The following ZIC1 variants were observed in gnomAD, a reference collection of about 807,000 sequenced individuals.
ZIC1 encodes Zic family zinc finger 1, also known as zinc finger protein ZIC 1.
ZIC1 carries 4 observed loss-of-function variants against 30.9 expected under a neutral mutation model. The ratio of observed to expected loss-of-function variants is 0.13; its 90% CI spans 0.06 to 0.30. ZIC1 has a LOEUF of 0.30. ZIC1 is among the 10% of genes least tolerant of loss of function. The pLI, the probability that ZIC1 is intolerant of heterozygous loss-of-function variation, is 1.00. For missense variants in ZIC1, 441 were observed against 639.3 expected, an observed-to-expected ratio of 0.69 and a Z score of 3.34; for synonymous variants, 305 against 277.5, an observed-to-expected ratio of 1.10 and a Z score of -0.98.
intron 1 of ZIC1, 72 bp from the exon 2 acceptor site, chr3:147,412,446 T>A: frequency 1.3e-6 from 2 of 1,561,942 alleles, no homozygotes; most frequent in Non-Finnish European, 1.7e-6. Context: ...TTTTTTCTAT[T>A]TGTTTAGTTT....
rs2087429482 is a variant in ZIC1, at chr3:147,415,859, G to C, written c.*2308G>C. 4 of 151,296 alleles carry C rather than the reference G, an allele frequency of 2.6e-5. No homozygotes were observed. Among genetic ancestry groups the C allele is most frequent in the African/African-American group, 9.7e-5 (4 of 41,418 alleles). The allele number at this position is 151,296 out of a possible 1,614,324, so 9.4% of individuals were successfully genotyped here. ...TTGTTGACTTGTCTTTTCATCTCTT[G>C]CTATTTATATTTGTCACTGTTTCAA... On this transcript the variant is annotated 3_prime_UTR_variant, in exon 3 of 3. Coordinates refer to ENST00000282928, the MANE Select transcript of ZIC1 (RefSeq NM_003412.4).
In ZIC1 at chr3:147,410,341, C is replaced by T. The variant is rs903904843; in HGVS notation, c.229C>T (p.Leu77=). Residue 77 remains leucine (L), a synonymous_variant, in exon 1 of 3, where the codon CTG becomes TTG. Transcript: ENST00000282928. ...GCCAGGCTACGCGGCTGCTGCGGCC[C>T]TGGGCCATCACCATCACCCGGGCCA... ...QAPGYAAAAA[L]GHHHHPGHVG... is the part of the protein sequence containing the mutation. 10 of 1,600,558 alleles carry T rather than the reference C, an allele frequency of 6.2e-6. No individual in the cohort carries two copies. Among genetic ancestry groups the T allele is most frequent in the Non-Finnish European group, 6.8e-6 (8 of 1,179,444 alleles).
In ZIC1 at chr3:147,414,385, A is replaced by G. The variant is rs1559971511; in HGVS notation, c.*834A>G. ...TATAACTGTCCGTTACTTTTGGCAA[A>G]AGATACAACCACATAATGTATATAA... On this transcript the variant is annotated 3_prime_UTR_variant, in exon 3 of 3. Transcript: ENST00000282928. 1 of 152,634 alleles carries G rather than the reference A, an allele frequency of 6.6e-6. No individual in the cohort carries two copies. The highest frequency in any genetic ancestry group is 1.5e-5 in the Non-Finnish European group (1 of 68,040). The allele number at this position is 152,634 out of a possible 1,614,324, so 9.5% of individuals were successfully genotyped here. A position where few individuals can be genotyped will look rare whatever the true frequency, so the allele number is the denominator to read the frequency against.
In ZIC1 at chr3:147,413,674, T is replaced by A. The variant is rs1268675905; in HGVS notation, c.*123T>A. On this transcript the variant is annotated 3_prime_UTR_variant, in exon 3 of 3. Coordinates refer to ENST00000282928, the MANE Select transcript of ZIC1 (RefSeq NM_003412.4). ...CCACACAGACCCCGCAATCCTTTTT[T>A]AAAAAATCTGCCAATAGACCCAGGA... 4 of 1,181,824 alleles carry A rather than the reference T, an allele frequency of 3.4e-6. No individual in the cohort carries two copies. In the African/African-American group the frequency reaches 4.7e-5, roughly 14 times the overall value. The allele number at this position is 1,181,824 out of a possible 1,614,324, so 73.2% of individuals were successfully genotyped here. A position where few individuals can be genotyped will look rare whatever the true frequency, so the allele number is the denominator to read the frequency against.
rs2087434337 is a variant in ZIC1, at chr3:147,416,373, A to G, written c.*2822A>G. On this transcript the variant is annotated 3_prime_UTR_variant, in exon 3 of 3. Transcript: ENST00000282928. ...GCTGGTGCATTTAAGAAGATAGTAA[A>G]TGATGAGTTCATCTTTTCTTCGAAC... 1 of 152,260 alleles carries G rather than the reference A, an allele frequency of 6.6e-6. No individual in the cohort carries two copies. The highest frequency in any genetic ancestry group is 1.5e-5 in the Non-Finnish European group (1 of 68,046). The allele number at this position is 152,260 out of a possible 1,614,324, so 9.4% of individuals were successfully genotyped here.
At chr3:147,413,223 C>A in intron 2 of ZIC1, 131 bp from the exon 3 acceptor site, 1 of 944,632 alleles carries the variant, frequency 1.1e-6, no homozygotes, top group Non-Finnish European at 1.6e-6. Context: ...CAAAGTCCCG[C>A]TGATCGGGCC....
In ZIC1 at chr3:147,414,871, G is replaced by C. The variant is rs565671473; in HGVS notation, c.*1320G>C. 6.5e-6 allele frequency: 1 copy of C among 152,704 alleles called. No individual in the cohort carries two copies. Among genetic ancestry groups the C allele is most frequent in the South Asian group, 2.1e-4 (1 of 4,828 alleles). The allele number at this position is 152,704 out of a possible 1,614,324, so 9.5% of individuals were successfully genotyped here. On this transcript the variant is annotated 3_prime_UTR_variant, in exon 3 of 3. Transcript: ENST00000282928. ...AGGCGACATCAATATTAATGTAGAC[G>C]AATTGTCAGAAGCTCAGGGGCTCGC...
Position 147,410,298 on chromosome 3 carries a change from G to C in ZIC1, c.186G>C (p.Thr62=), listed in dbSNP as rs145610267. 5 of 1,599,894 alleles carry C rather than the reference G, an allele frequency of 3.1e-6. No individual in the cohort carries two copies. Among genetic ancestry groups the C allele is most frequent in the South Asian group, 1.1e-5 (1 of 90,988 alleles). The change falls in exon 1 of 3, where the codon ACG becomes ACC. Residue 62 remains threonine, a synonymous_variant. Coordinates refer to ENST00000282928, the MANE Select transcript of ZIC1 (RefSeq NM_003412.4). ...SSHELASAGQ[T]AFTSQAPGYA... is the part of the protein sequence containing the mutation. The stretch of plus-strand genomic sequence containing the variant: ...ACGAGCTGGCTTCGGCCGGCCAGAC[G>C]GCCTTCACGTCGCAGGCGCCAGGCT...
In ZIC1 at chr3:147,409,831, GC is replaced by G. The variant is rs2087347078; in HGVS notation, c.-281del. ...GGCAGAGACTGAGCGGCGAGAAAGT[GC>G]GAGCCGGGCCGGCAGAATCTGCCTG... On this transcript the variant is annotated 5_prime_UTR_variant, in exon 1 of 3. Transcript: ENST00000282928. 2.2e-6 allele frequency: 1 copy of G among 460,450 alleles called. No individual in the cohort carries two copies. Among genetic ancestry groups the G allele is most frequent in the Non-Finnish European group, 3.8e-6 (1 of 262,368 alleles). 28.5% of individuals were successfully genotyped at this position (460,450 alleles called of 1,614,324 possible).
In ZIC1 at chr3:147,410,035, C is replaced by T. The variant is rs2087351114; in HGVS notation, c.-78C>T. On this transcript the variant is annotated 5_prime_UTR_variant, in exon 1 of 3. Coordinates refer to ENST00000282928, the MANE Select transcript of ZIC1 (RefSeq NM_003412.4). ...TCTTCCTCCTCCTCTTGTTCCTCCTCCTCCTCCCGATTTTCCCTCCTCGGC... is the reference window on the plus strand; with the variant it reads ...TCTTCCTCCTCCTCTTGTTCCTCCTTCTCCTCCCGATTTTCCCTCCTCGGC... The T allele has an allele frequency of 7.2e-7, 1 of 1,389,318 alleles. No homozygotes were observed. Among genetic ancestry groups the T allele is most frequent in the Non-Finnish European group, 9.4e-7 (1 of 1,066,150 alleles). 86.1% of individuals were successfully genotyped at this position (1,389,318 alleles called of 1,614,324 possible).
At position 147,409,903 on chromosome 3, in the gene ZIC1, T is replaced by G; in HGVS notation, c.-210T>G. 1 of 541,844 alleles carries G rather than the reference T, an allele frequency of 1.8e-6. No individual in the cohort carries two copies. Among genetic ancestry groups the G allele is most frequent in the South Asian group, 2.9e-5 (1 of 35,080 alleles). 33.6% of individuals were successfully genotyped at this position (541,844 alleles called of 1,614,324 possible). A position where few individuals can be genotyped will look rare whatever the true frequency, so the allele number is the denominator to read the frequency against. ...TACTCGCGGCCCGCAGCCGTCCGGC[T>G]ACTTTGCGTTTGGCCCGGCCAGCGC... On this transcript the variant is annotated 5_prime_UTR_variant, in exon 1 of 3. Coordinates refer to ENST00000282928, the MANE Select transcript of ZIC1 (RefSeq NM_003412.4).
chr3:147,410,239 G>C lies in ZIC1; in HGVS notation c.127G>C (p.Gly43Arg). ...CCTGGGCATCAACCCGTTCGCCGAC[G>C]GCATGGGCGCCTTCAAGCTCAACCC... ...VGLGINPFAD[G>R]MGAFKLNPSS... The change falls in exon 1 of 3, where the codon GGC becomes CGC. Residue 43 changes from glycine (G) to arginine (R), a missense_variant. By Grantham distance (125) the Gly-to-Arg change is moderately radical (BLOSUM62 -2). Coordinates refer to ENST00000282928, the MANE Select transcript of ZIC1 (RefSeq NM_003412.4). 1 of 1,601,386 alleles carries C rather than the reference G, an allele frequency of 6.2e-7. No homozygotes were observed. The highest frequency in any genetic ancestry group is 8.5e-7 in the Non-Finnish European group (1 of 1,179,684).
At position 147,415,958 on chromosome 3, in the gene ZIC1, T is replaced by C. The variant is rs1285206265; in HGVS notation, c.*2407T>C. 2 of 152,358 alleles carry C rather than the reference T, an allele frequency of 1.3e-5. No homozygotes were observed. Among genetic ancestry groups the C allele is most frequent in the South Asian group, 2.1e-4 (1 of 4,828 alleles). 9.4% of individuals were successfully genotyped at this position (152,358 alleles called of 1,614,324 possible). A position where few individuals can be genotyped will look rare whatever the true frequency, so the allele number is the denominator to read the frequency against. On this transcript the variant is annotated 3_prime_UTR_variant, in exon 3 of 3. Coordinates refer to ENST00000282928, the MANE Select transcript of ZIC1 (RefSeq NM_003412.4). ...ATCAAACACTGGGGAGGGTGGTGTT[T>C]AACTTTTTAAAAAATGTTATTCTGA...
chr3:147,412,179 A>T (rs2087387238), intron 1 of ZIC1, among the ~76,000 whole-genome samples: 1 of 152,100 alleles, frequency 6.6e-6, no homozygotes. Flanking sequence ...AAAACTAGAA[A>T]CCAGGAGCCA....
Position 147,412,513 on chromosome 3 carries a change from A to G in ZIC1, c.983-5A>G. On this transcript the variant is annotated splice_region_variant and splice_polypyrimidine_tract_variant and intron_variant, in intron 1 of 2. Coordinates refer to ENST00000282928, the MANE Select transcript of ZIC1 (RefSeq NM_003412.4). ...TAGACCCCTCTCATTCTACTTTGGC[A>G]CCAGGGGAGAAGCCCTTCAAGTGCG... 3 of 1,613,790 alleles carry G rather than the reference A, an allele frequency of 1.9e-6. No homozygotes were observed. The highest frequency in any genetic ancestry group is 2.5e-6 in the Non-Finnish European group (3 of 1,179,954).
rs1172838189 is a variant in ZIC1, at chr3:147,414,192, T to C, written c.*641T>C. The C allele has an allele frequency of 2.0e-5, 3 of 152,680 alleles. No homozygotes were observed. In the East Asian group the frequency reaches 5.8e-4, roughly 29 times the overall value. 9.5% of individuals were successfully genotyped at this position (152,680 alleles called of 1,614,324 possible). A position where few individuals can be genotyped will look rare whatever the true frequency, so the allele number is the denominator to read the frequency against. The stretch of plus-strand genomic sequence containing the variant: ...CCTAACCCAATATTATTGGTATTAA[T>C]GTGCTTTTTTTGTATAAAGTGCAAA... On this transcript the variant is annotated 3_prime_UTR_variant, in exon 3 of 3. Coordinates refer to ENST00000282928, the MANE Select transcript of ZIC1 (RefSeq NM_003412.4).
In ZIC1 at chr3:147,410,238, C is replaced by T. The variant is rs1178146115; in HGVS notation, c.126C>T (p.Asp42=). ...DVGLGINPFA[D]GMGAFKLNPS... ...GCCTGGGCATCAACCCGTTCGCCGA[C>T]GGCATGGGCGCCTTCAAGCTCAACC... Residue 42 remains aspartate, a synonymous_variant, in exon 1 of 3, where the codon GAC becomes GAT. Coordinates refer to ENST00000282928, the MANE Select transcript of ZIC1 (RefSeq NM_003412.4). 2 of 1,601,400 alleles carry T rather than the reference C, an allele frequency of 1.2e-6. No individual in the cohort carries two copies. Among genetic ancestry groups the T allele is most frequent in the Non-Finnish European group, 1.7e-6 (2 of 1,179,692 alleles).
Position 147,416,305 on chromosome 3 carries a change from G to A in ZIC1, c.*2754G>A, listed in dbSNP as rs536058899. 1.3e-5 allele frequency: 2 copies of A among 152,332 alleles called. No individual in the cohort carries two copies. The highest frequency in any genetic ancestry group is 4.1e-4 in the South Asian group (2 of 4,826). The allele number at this position is 152,332 out of a possible 1,614,324, so 9.4% of individuals were successfully genotyped here. A position where few individuals can be genotyped will look rare whatever the true frequency, so the allele number is the denominator to read the frequency against. On this transcript the variant is annotated 3_prime_UTR_variant, in exon 3 of 3. Transcript: ENST00000282928. ...GCTTGTCTGATAACCTGATATGAGT[G>A]TGATAATGATAAACATGATAATAGT...
At position 147,409,740 on chromosome 3, in the gene ZIC1, G is replaced by GT. The variant is rs1201138217; in HGVS notation, c.-364dup. The GT allele has an allele frequency of 2.8e-3, 670 of 237,316 alleles. No homozygotes were observed. The highest frequency in any genetic ancestry group is 4.8e-3 in the East Asian group (57 of 11,846). 14.7% of individuals were successfully genotyped at this position (237,316 alleles called of 1,614,324 possible). ...CTCTATGCTACAAATCCAGGAGGAAGTTTTTTTTTAGGGGGCTGAGATGCT... is the reference window on the plus strand; with the variant it reads ...CTCTATGCTACAAATCCAGGAGGAAGTTTTTTTTTTAGGGGGCTGAGATGCT... On this transcript the variant is annotated 5_prime_UTR_variant, in exon 1 of 3. The change abolishes the stop of an existing upstream ORF in the 5' untranslated region. Coordinates refer to ENST00000282928, the MANE Select transcript of ZIC1 (RefSeq NM_003412.4).
Sources: gnomAD v4.1 joint callset for allele counts (sites outside exome capture counted in the v4.1 genomes callset) on GRCh38, gnomAD v4.1.1 for gene constraint, MANE v1.5 for transcripts, NCBI Gene and HGNC (gene_info 2026-07-23, HGNC 2026-07-21) for gene names.